Variants in ARIH2 observed in about 807,000 individuals in gnomAD.
ARIH2 encodes the protein E3 ubiquitin-protein ligase ARIH2.
Under a neutral mutation model 79.8 loss-of-function variants are expected in ARIH2, and 12 were observed. The observed-to-expected ratio is 0.15, with a 90% CI of 0.10 to 0.24. The LOEUF (loss-of-function observed/expected upper bound fraction) is 0.24, where lower values mean the gene tolerates loss of function less well. ARIH2 is among the 10% of genes least tolerant of loss of function. The pLI is 1.00. For synonymous variants in ARIH2, 224 were observed against 213.9 expected (o/e 1.05, Z -0.41); for missense variants, 301 against 618.3 (o/e 0.49, Z 5.44).
intron 3 of ARIH2, among the ~76,000 whole-genome samples, chr3:48,929,329 G>GTCCT (rs557548707): frequency 2.0e-5 from 3 of 151,448 alleles, no homozygotes; most frequent in Non-Finnish European, 2.9e-5. Flanking sequence ...CCGTCCGTCC[G>GTCCT]TCCTTCCTTC....
At position 48,927,612 on chromosome 3, in the gene ARIH2, C is replaced by T. The variant is rs764770623; in HGVS notation, c.54C>T (p.Asp18=). The change falls in exon 3 of 16, where the codon GAC becomes GAT. Residue 18 remains aspartate, a synonymous_variant. Transcript: ENST00000356401. ...CTGACAGCAATGAAGAGGACTATGA[C>T]CCAAATTGTGAGGAAGAGGAAGAAG... ...QGSDSNEEDY[D]PNCEEEEEEE... is the part of the protein sequence containing the mutation. 2 of 1,613,836 alleles carry T rather than the reference C, an allele frequency of 1.2e-6. No homozygotes were observed. The highest frequency in any genetic ancestry group is 3.3e-5 in the Admixed American group (2 of 59,928).
chr3:48,940,816 T>A (rs1359165764), intron 3 of ARIH2, among the ~76,000 whole-genome samples: 28 of 124,130 alleles, frequency 2.3e-4, no homozygotes, highest in African/African-American at 9.1e-4. Flanking sequence ...AAAATATATA[T>A]ATATATATAT....
At chr3:48,939,882 T>G (rs978550084) in intron 3 of ARIH2, among the ~76,000 whole-genome samples, 2 of 152,080 alleles carry the variant, frequency 1.3e-5, no homozygotes, top group Non-Finnish European at 2.9e-5. Flanking sequence ...CACATTGTTA[T>G]GCAACCATCA....
At chr3:48,967,493 G>A (rs2091881068) in intron 6 of ARIH2, among the ~76,000 whole-genome samples, 1 of 152,140 alleles carries the variant, frequency 6.6e-6, no homozygotes, top group Admixed American at 6.5e-5. Context: ...TGTAAATGTT[G>A]GCGTGAGTGC....
chr3:48,974,303 T>G (rs1032664594), intron 9 of ARIH2, among the ~76,000 whole-genome samples: 7 of 152,160 alleles, frequency 4.6e-5, no homozygotes, highest in Non-Finnish European at 7.4e-5. Flanking sequence ...GATAACGACA[T>G]TATTAAACAT....
intron 2 of ARIH2, among the ~76,000 whole-genome samples, chr3:48,926,192 G>A (rs1049595591): frequency 2.6e-5 from 4 of 152,094 alleles, no homozygotes; most frequent in African/African-American, 9.7e-5. Flanking sequence ...ATGTAATTAA[G>A]TAACATTTCG....
intron 3 of ARIH2, among the ~76,000 whole-genome samples, chr3:48,930,318 AT>A (rs2086193455): frequency 6.6e-6 from 1 of 152,182 alleles, no homozygotes; most frequent in Non-Finnish European, 1.5e-5. Flanking sequence ...TTAAAATTAT[AT>A]TTTAAATACA....
At chr3:48,949,934 A>T (rs1249231019) in intron 3 of ARIH2, among the ~76,000 whole-genome samples, 4 of 147,782 alleles carry the variant, frequency 2.7e-5, no homozygotes, top group African/African-American at 1.0e-4. Context: ...GTTTATCTTT[A>T]TTTTCTTTTT....
At chr3:48,978,069 C>T (rs1201268465) in intron 11 of ARIH2, among the ~76,000 whole-genome samples, 2 of 152,020 alleles carry the variant, frequency 1.3e-5, no homozygotes, top group Non-Finnish European at 2.9e-5. Context: ...ACCAGGAGGA[C>T]TTCAGACAAG....
intron 5 of ARIH2, among the ~76,000 whole-genome samples, chr3:48,965,903 G>C (rs2091751999): frequency 6.6e-6 from 1 of 151,954 alleles, no homozygotes; most frequent in African/African-American, 2.4e-5. Context: ...GGAGGTTGCA[G>C]TGAGCCAAGA....
intron 3 of ARIH2, among the ~76,000 whole-genome samples, chr3:48,952,276 CAT>C (rs1182798361): frequency 6.6e-6 from 1 of 152,052 alleles, no homozygotes; most frequent in East Asian, 1.9e-4. Context: ...TTAAGAGAAA[CAT>C]ATGGGGGTTC....
chr3:48,919,084 G>T (rs1343158013), intron 1 of ARIH2, 86 bp downstream of exon 1: 1 of 1,276,286 alleles, frequency 7.8e-7, no homozygotes, highest in Non-Finnish European at 9.9e-7. Context: ...GCCGGGCCGG[G>T]ACTCCGCCTT....
intron 7 of ARIH2, among the ~76,000 whole-genome samples, chr3:48,970,183 C>T (rs1006495666): frequency 6.5e-5 from 4 of 61,644 alleles, no homozygotes; most frequent in Admixed American, 1.9e-4. Flanking sequence ...TGAGCCACCG[C>T]GCCCGGCCTT....
At chr3:48,964,891 G>A in intron 4 of ARIH2, 28 bp from the exon 5 acceptor site, 1 of 1,594,692 alleles carries the variant, frequency 6.3e-7, no homozygotes, top group Non-Finnish European at 8.6e-7. Context: ...GCTTCTGATT[G>A]CCTTCATTTC....
chr3:48,981,154 AC>A (rs1432368193), intron 13 of ARIH2, among the ~76,000 whole-genome samples: 2 of 151,452 alleles, frequency 1.3e-5, no homozygotes, highest in Non-Finnish European at 2.9e-5. Flanking sequence ...ACATGAGAAA[AC>A]CCCGTCTCTA....
At chr3:48,941,269 A>G (rs1576263088) in intron 3 of ARIH2, among the ~76,000 whole-genome samples, 1 of 152,208 alleles carries the variant, frequency 6.6e-6, no homozygotes, top group Admixed American at 6.5e-5. Context: ...AGAAAATGCA[A>G]TTCTGGTCCT....
intron 3 of ARIH2, among the ~76,000 whole-genome samples, chr3:48,939,484 G>A (rs955541218): frequency 1.3e-4 from 19 of 145,028 alleles, no homozygotes; most frequent in Non-Finnish European, 2.4e-4. Flanking sequence ...TTAGCTGGGC[G>A]CGGTGACTCA....
intron 3 of ARIH2, among the ~76,000 whole-genome samples, 174 bp from the exon 4 acceptor site, chr3:48,961,438 A>C (rs1015151645): frequency 1.3e-5 from 2 of 152,250 alleles, no homozygotes; most frequent in East Asian, 3.8e-4. Context: ...TCATGAAATC[A>C]CTAAGATTGT....
intron 2 of ARIH2, among the ~76,000 whole-genome samples, chr3:48,925,451 A>G (rs1407776081): frequency 6.7e-6 from 1 of 149,386 alleles, no homozygotes; most frequent in African/African-American, 2.5e-5. Context: ...TTGTAGAGAC[A>G]TGGTCTCACT....
Sources: gnomAD v4.1 joint callset for allele counts (sites outside exome capture counted in the v4.1 genomes callset) on GRCh38, gnomAD v4.1.1 for gene constraint, MANE v1.5 for transcripts, NCBI Gene and HGNC (gene_info 2026-07-23, HGNC 2026-07-21) for gene names.